The following SH3PXD2B variants were observed in gnomAD, a reference collection of about 807,000 sequenced individuals.
SH3PXD2B encodes SH3 and PX domains 2B.
A neutral mutation model predicts 73.1 loss-of-function variants in SH3PXD2B; 37 were observed. The ratio of observed to expected loss-of-function variants is 0.51; its 90% CI spans 0.39 to 0.67. SH3PXD2B has a LOEUF of 0.67. SH3PXD2B is among the 30% of genes least tolerant of loss of function. The probability of loss-of-function intolerance (pLI) is 0.00; values close to 1 mark genes in which losing one functional copy is unlikely to be tolerated. For synonymous variants in SH3PXD2B, 457 were observed against 480.5 expected (o/e 0.95, Z 0.64); for missense variants, 1,053 against 1,197.8 (o/e 0.88, Z 1.78).
At chr5:172,414,166 T>C (rs949909711) in intron 2 of SH3PXD2B, among the ~76,000 whole-genome samples, 7 of 151,894 alleles carry the variant, frequency 4.6e-5, no homozygotes, top group Admixed American at 3.3e-4. Context: ...AGGACCAGGG[T>C]CTTAGAAGGA....
Position 172,334,310 on chromosome 5 carries a change from G to A in SH3PXD2B, c.*4059C>T. 3 of 996,908 alleles carry A rather than the reference G, an allele frequency of 3.0e-6. No individual in the cohort carries two copies. Among genetic ancestry groups the A allele is most frequent in the Non-Finnish European group, 3.6e-6 (3 of 838,764 alleles). 61.8% of individuals were successfully genotyped at this position (996,908 alleles called of 1,614,324 possible). On this transcript the variant is annotated 3_prime_UTR_variant, in exon 13 of 13. Coordinates refer to ENST00000311601, the MANE Select transcript of SH3PXD2B (RefSeq NM_001017995.3). ...CCTCCGGTTCCAGCTCTGCAGCTCT[G>A]CCTGGGACCCTCGTGGAAACTTACT...
chr5:172,452,353 A>G (rs1759815533), intron 1 of SH3PXD2B, among the ~76,000 whole-genome samples: 4 of 152,232 alleles, frequency 2.6e-5, no homozygotes, highest in African/African-American at 9.6e-5. Flanking sequence ...TGGAGCTGAC[A>G]CAGCAGAGAA....
At position 172,339,111 on chromosome 5, in the gene SH3PXD2B, T is replaced by C. The variant is rs144252446; in HGVS notation, c.1994A>G (p.Asn665Ser). The C allele has an allele frequency of 1.8e-5, 29 of 1,614,200 alleles. No homozygotes were observed. In the East Asian group the frequency reaches 2.9e-4, roughly 16 times the overall value. The change falls in exon 13 of 13, where the codon AAC (asparagine) becomes AGC (serine). Residue 665 changes from asparagine to serine, a missense_variant. Transcript: ENST00000311601. The surrounding 1 kb of genome is among the most constrained non-coding windows in gnomAD (Gnocchi z 6.1). ...GGCAGGCCTGAGCTTACTCCTGAGG[T>C]TGCAGATGTCGACTTGGTCTTCGCC... Reference protein sequence around the residue: ...PQGEDQVDICNLRSKLRPAKS... With the variant: ...PQGEDQVDICSLRSKLRPAKS...
At chr5:172,428,581 C>T (rs1183673140) in intron 1 of SH3PXD2B, among the ~76,000 whole-genome samples, 1 of 152,160 alleles carries the variant, frequency 6.6e-6, no homozygotes, top group Non-Finnish European at 1.5e-5. Flanking sequence ...AAAGTATAAC[C>T]CCATGATTGC....
chr5:172,359,025 G>A (rs1008249162), intron 7 of SH3PXD2B, 148 bp from the exon 8 acceptor site: 8 of 782,108 alleles, frequency 1.0e-5, no homozygotes, highest in Non-Finnish European at 1.7e-5. Context: ...AACTACCAAT[G>A]TTACCTGCTA....
At position 172,347,618 on chromosome 5, in the gene SH3PXD2B, A is replaced by C. The variant is rs942773861; in HGVS notation, c.1013-286T>G. On this transcript the variant is annotated intron_variant, in intron 10 of 12. Transcript: ENST00000311601. ...TGGAAATTCTCCAGAAAGGGCAAAA[A>C]GCAAAGTCTTCAGAATAACACAGAG... 3.3e-5 allele frequency among the ~76,000 whole-genome samples: 5 copies of C among 152,120 alleles called. No individual in the cohort carries two copies. In the East Asian group the frequency reaches 9.6e-4, roughly 29 times the overall value.
chr5:172,423,557 C>T (rs1477953122), intron 1 of SH3PXD2B, among the ~76,000 whole-genome samples: 2 of 130,038 alleles, frequency 1.5e-5, no homozygotes, highest in East Asian at 2.3e-4. Context: ...GGGGGGGGGG[C>T]GCACATTCTC....
At chr5:172,433,893 C>T (rs777294657) in intron 1 of SH3PXD2B, among the ~76,000 whole-genome samples, 3 of 152,074 alleles carry the variant, frequency 2.0e-5, no homozygotes, top group Non-Finnish European at 4.4e-5. Context: ...TGAATGTTGC[C>T]CAACCCTTCA....
At chr5:172,342,624 G>A (rs1296476433) in intron 12 of SH3PXD2B, among the ~76,000 whole-genome samples, 1 of 152,224 alleles carries the variant, frequency 6.6e-6, no homozygotes, top group Non-Finnish European at 1.5e-5. Context: ...AGCTGGGTGT[G>A]GTGGCATGCG....
intron 10 of SH3PXD2B, 139 bp downstream of exon 10, chr5:172,350,224 C>T (rs1757127891): frequency 2.5e-6 from 2 of 784,520 alleles, no homozygotes; most frequent in African/African-American, 3.5e-5. Flanking sequence ...CCCGGGGTTT[C>T]TGGGCCTCTG....
In SH3PXD2B at chr5:172,336,388, T is replaced by G. The variant is rs1756691784; in HGVS notation, c.*1981A>C. The G allele has an allele frequency of 1.3e-5, 13 of 985,788 alleles. No homozygotes were observed. The South Asian group carries it at 5.6e-4, about 43-fold the overall frequency. 61.1% of individuals were successfully genotyped at this position (985,788 alleles called of 1,614,324 possible). On this transcript the variant is annotated 3_prime_UTR_variant, in exon 13 of 13. Transcript: ENST00000311601. ...CCTGGCTGCCATCTGCCCCCAACGC[T>G]CTGGGCACAGGGCCAAGTGGCAAGT... is the stretch of plus-strand genomic sequence containing the variant.
At chr5:172,425,419 A>G (rs2163789) in intron 1 of SH3PXD2B, among the ~76,000 whole-genome samples, 77,315 of 151,968 alleles carry the variant, frequency 0.51, 21,512 homozygotes, top group African/African-American at 0.72. Context: ...GGCTACTTGG[A>G]TAAGGGGGCC....
At chr5:172,429,130 T>C (rs909377195) in intron 1 of SH3PXD2B, among the ~76,000 whole-genome samples, 5 of 152,226 alleles carry the variant, frequency 3.3e-5, no homozygotes, top group Non-Finnish European at 7.3e-5. Flanking sequence ...TGGAAAAATC[T>C]AGGCTTCGTG....
downstream of SH3PXD2B, among the ~76,000 whole-genome samples, chr5:172,329,083 A>ATATTTTTTTTTTTTTTTTTTTTTT (rs58472514): frequency 3.2e-5 from 2 of 61,810 alleles, 1 homozygote; most frequent in African/African-American, 1.6e-4. Flanking sequence ...ATATATATAT[A>ATATTTTTTTTTTTTTTTTTTTTTT]TTTTTTTTTT....
intron 1 of SH3PXD2B, among the ~76,000 whole-genome samples, chr5:172,447,820 T>A (rs1008107639): frequency 6.7e-6 from 1 of 148,180 alleles, no homozygotes; most frequent in African/African-American, 2.5e-5. Context: ...CAGAGCAGGC[T>A]GGGACTTCTC....
chr5:172,382,189 G>A (rs533924431), intron 4 of SH3PXD2B, 62 bp from the exon 5 acceptor site: 12 of 1,342,746 alleles, frequency 8.9e-6, no homozygotes, highest in African/African-American at 2.9e-5. Flanking sequence ...GGTGGCACGC[G>A]CCTATAATCC....
rs1394220316 is a variant in SH3PXD2B at position 172,369,331 on chromosome 5, T to G, written c.427+4459A>C. On this transcript the variant is annotated intron_variant, in intron 6 of 12. Coordinates refer to ENST00000311601, the MANE Select transcript of SH3PXD2B (RefSeq NM_001017995.3). The stretch of plus-strand genomic sequence containing the variant: ...GAATTATTATTATTATTGGTGGTAG[T>G]AGTGATAGAGACTGTATGTGGCCTA... Among the ~76,000 whole-genome samples the G allele has an allele frequency of 2.6e-5, 4 of 152,188 alleles. No homozygotes were observed. In the East Asian group the frequency reaches 5.8e-4, roughly 22 times the overall value.
At position 172,335,792 on chromosome 5, in the gene SH3PXD2B, G is replaced by C; in HGVS notation, c.*2577C>G. ...CCACCCTGACCCACCCACTGCCTGG[G>C]GAAGTGTCTACCATTGTAGGAAAAG... On this transcript the variant is annotated 3_prime_UTR_variant, in exon 13 of 13. Coordinates refer to ENST00000311601, the MANE Select transcript of SH3PXD2B (RefSeq NM_001017995.3). The C allele has an allele frequency of 8.1e-7, 1 of 1,230,192 alleles. No individual in the cohort carries two copies. Among genetic ancestry groups the C allele is most frequent in the East Asian group, 3.2e-5 (1 of 31,638 alleles). The allele number at this position is 1,230,192 out of a possible 1,614,324, so 76.2% of individuals were successfully genotyped here.
chr5:172,373,741 G>C (rs1376571197), intron 6 of SH3PXD2B, 49 bp downstream of exon 6: 2 of 1,581,942 alleles, frequency 1.3e-6, no homozygotes, highest in African/African-American at 1.3e-5. Flanking sequence ...TGCTCGGCTG[G>C]AGTTTGCCGA....
Sources: allele counts gnomAD v4.1 joint callset (sites outside exome capture counted in the v4.1 genomes callset), GRCh38; gene constraint gnomAD v4.1.1; non-coding constraint Gnocchi (gnomAD v3.1); transcripts MANE v1.5; gene names NCBI Gene and HGNC (gene_info 2026-07-23, HGNC 2026-07-21).